TIAM2: variants seen among roughly 807,000 people sequenced by gnomAD.
The protein encoded by TIAM2 is TIAM Rac1 associated GEF 2.
TIAM2 carries 80 observed loss-of-function variants against 152.9 expected under a neutral mutation model. The ratio of observed to expected loss-of-function variants is 0.52; its 90% confidence interval spans 0.44 to 0.63. TIAM2 has a LOEUF of 0.63. Ranked by LOEUF, TIAM2 falls within the 30% of genes least tolerant of loss-of-function variation. TIAM2 has a pLI of 0.00. For synonymous variants in TIAM2, 804 were observed against 838.0 expected (o/e 0.96, Z 0.70); for missense variants, 1,965 against 2,120.1 (o/e 0.93, Z 1.44).
rs777508778 is a variant in TIAM2 at position 155,129,323 on chromosome 6, G to A, written c.100G>A (p.Gly34Ser). The change falls in exon 4 of 27, where the codon GGC becomes AGC. Residue 34 changes from glycine to serine, a missense_variant. Gly to Ser is a moderately conservative substitution (Grantham distance 56, BLOSUM62 0). Transcript: ENST00000682666. The surrounding 1 kb of genome is among the most constrained non-coding windows in gnomAD (Gnocchi z 4.8). ...KQIPCSLKIR[G>S]IHAKEEKSLH... is the part of the protein sequence containing the mutation. ...AATTCCTTGCTCCCTGAAAATACGT[G>A]GCATTCATGCAAAAGAGGAAAAGTC... 35 of 1,614,010 alleles carry A rather than the reference G, an allele frequency of 2.2e-5. No individual in the cohort carries two copies. Among genetic ancestry groups the A allele is most frequent in the Non-Finnish European group, 3.0e-5 (35 of 1,180,034 alleles).
chr6:155,208,103 G>A (rs893505928), intron 14 of TIAM2, among the ~76,000 whole-genome samples: 2 of 152,180 alleles, frequency 1.3e-5, no homozygotes, highest in African/African-American at 4.8e-5. Flanking sequence ...CTGATGTACA[G>A]CAGGGGCTGT....
At chr6:155,236,834 G>A (rs1201074481) in intron 15 of TIAM2, among the ~76,000 whole-genome samples, 1 of 152,048 alleles carries the variant, frequency 6.6e-6, no homozygotes, top group Non-Finnish European at 1.5e-5. Context: ...TCTCCCACTG[G>A]GCCCCTCCCA....
intron 1 of TIAM2, among the ~76,000 whole-genome samples, chr6:155,023,659 C>A (rs929806854): frequency 6.6e-6 from 1 of 152,052 alleles, no homozygotes; most frequent in Admixed American, 6.6e-5. Flanking sequence ...TCTTCTCTTG[C>A]GGGGAAAGGT....
At chr6:155,124,544 GGTCTCGAACT>G (rs1394255369) in intron 2 of TIAM2, among the ~76,000 whole-genome samples, 1 of 151,030 alleles carries the variant, frequency 6.6e-6, no homozygotes, top group Non-Finnish European at 1.5e-5. Flanking sequence ...TGATCAGGCT[GGTCTCGAACT>G]CCCGACCTCA....
rs967485398 is a variant in TIAM2, at chr6:155,187,134, G to A, written c.3064+3634G>A. On this transcript the variant is annotated intron_variant, in intron 14 of 26. Transcript: ENST00000682666. Reference sequence around the variant, plus strand: ...AGCAGAATATTTATAGCCCCCTGTCGAGCACTTAAAATGTGTGGGGGACCC... The same window carrying A: ...AGCAGAATATTTATAGCCCCCTGTCAAGCACTTAAAATGTGTGGGGGACCC... 2.0e-5 allele frequency among the ~76,000 whole-genome samples: 3 copies of A among 152,026 alleles called. No individual in the cohort carries two copies. The East Asian group carries it at 5.8e-4, about 29-fold the overall frequency.
At position 155,244,737 on chromosome 6, in the gene TIAM2, C is replaced by T; in HGVS notation, c.3497C>T (p.Ser1166Leu). 1 of 1,614,028 alleles carries T rather than the reference C, an allele frequency of 6.2e-7. No homozygotes were observed. The highest frequency in any genetic ancestry group is 8.5e-7 in the Non-Finnish European group (1 of 1,179,960). ...CTGGAGACCCTGGAGGATGGGATTTCAGCATCATCTGACTTTAACACCCTA... is the reference window on the plus strand; with the variant it reads ...CTGGAGACCCTGGAGGATGGGATTTTAGCATCATCTGACTTTAACACCCTA... Reference protein sequence around the residue: ...VFLETLEDGISASSDFNTLET... With the variant: ...VFLETLEDGILASSDFNTLET... Residue 1166 changes from serine (S) to leucine (L), a missense_variant, in exon 18 of 27, where the codon TCA (serine) becomes TTA (leucine). Coordinates refer to ENST00000682666, the MANE Select transcript of TIAM2 (RefSeq NM_012454.4).
At chr6:155,252,484 GTAAA>G (rs1783724583) in intron 23 of TIAM2, among the ~76,000 whole-genome samples, 1 of 152,068 alleles carries the variant, frequency 6.6e-6, no homozygotes, top group African/African-American at 2.4e-5. Context: ...ACATAAATAA[GTAAA>G]TAAAGTAGAT....
chr6:155,038,006 C>G lies in TIAM2; in HGVS notation c.-209+42514C>G, dbSNP rs545927375. Among the ~76,000 whole-genome samples, 1,256 of 152,146 alleles carry G rather than the reference C, an allele frequency of 8.3e-3. 6 individuals carry two copies. Among genetic ancestry groups the G allele is most frequent in the Non-Finnish European group, 0.013 (896 of 67,986 alleles). On this transcript the variant is annotated intron_variant, in intron 1 of 26. Transcript: ENST00000682666. ...CTTTTAGGATCAAAAGAGGCAGTTT[C>G]TTTTCTCCAGTTGTAGGAGAAAACA...
chr6:155,201,311 T>C (rs1781467006), intron 14 of TIAM2, among the ~76,000 whole-genome samples: 1 of 152,254 alleles, frequency 6.6e-6, no homozygotes, highest in South Asian at 2.1e-4. Context: ...AGTCTTTAAA[T>C]AGAACTCCAG....
chr6:155,112,070 C>G (rs146978371), intron 2 of TIAM2, among the ~76,000 whole-genome samples: 228 of 152,012 alleles, frequency 1.5e-3, no homozygotes, highest in African/African-American at 5.2e-3. Flanking sequence ...TCAGTCTTCT[C>G]CCTGAAGTGC....
chr6:155,080,912 G>T (rs934341142), intron 1 of TIAM2, among the ~76,000 whole-genome samples: 2 of 152,210 alleles, frequency 1.3e-5, no homozygotes, highest in African/African-American at 4.8e-5. Context: ...AGTTGAAGTA[G>T]ATCTTGAAAT....
chr6:155,074,660 T>C (rs538598181), intron 1 of TIAM2, among the ~76,000 whole-genome samples: 38 of 152,202 alleles, frequency 2.5e-4, no homozygotes, highest in African/African-American at 8.7e-4. Context: ...TAACGATAAG[T>C]TTATTTCAAA....
intron 1 of TIAM2, among the ~76,000 whole-genome samples, chr6:155,008,436 T>C (rs2114844824): frequency 6.6e-6 from 1 of 152,294 alleles, no homozygotes; most frequent in Admixed American, 6.5e-5. Flanking sequence ...TGCCTCAGGC[T>C]AGGGGTGAAA....
intron 1 of TIAM2, among the ~76,000 whole-genome samples, chr6:155,081,818 G>A (rs1778068461): frequency 6.6e-6 from 1 of 152,112 alleles, no homozygotes; most frequent in Non-Finnish European, 1.5e-5. Context: ...TTTACCCCCT[G>A]ACTTTCTCTT....
chr6:155,227,900 G>A (rs141241289), intron 15 of TIAM2, among the ~76,000 whole-genome samples: 82 of 152,280 alleles, frequency 5.4e-4, no homozygotes, highest in Admixed American at 5.2e-3. Flanking sequence ...GCAAGGAACT[G>A]GAATGGGCGC....
chr6:155,115,146 G>A (rs1778980381), intron 2 of TIAM2, among the ~76,000 whole-genome samples: 1 of 146,418 alleles, frequency 6.8e-6, no homozygotes. Context: ...CTTTTGAAAG[G>A]GAATCCTGAA....
intron 1 of TIAM2, among the ~76,000 whole-genome samples, chr6:155,065,852 G>T (rs1777682194): frequency 6.6e-6 from 1 of 152,176 alleles, no homozygotes; most frequent in African/African-American, 2.4e-5. Context: ...TGGTGTCCCT[G>T]GTTGGAAATC....
rs910377841 is a variant in TIAM2, at chr6:155,183,492, C to T, written c.3056C>T (p.Thr1019Ile). The T allele has an allele frequency of 1.2e-6, 2 of 1,612,182 alleles. No homozygotes were observed. The highest frequency in any genetic ancestry group is 1.1e-5 in the South Asian group (1 of 90,846). The change falls in exon 14 of 27, where the codon ACA becomes ATA. Residue 1019 changes from threonine (T) to isoleucine (I), a missense_variant. This residue lies in a region of TIAM2 where 935 missense variants were observed against 980.0 expected (regional missense o/e 0.95). Coordinates refer to ENST00000682666, the MANE Select transcript of TIAM2 (RefSeq NM_012454.4). ...EEFLDNFKKNTANDFSNVPDI... is the reference protein window; with the variant it reads ...EEFLDNFKKNIANDFSNVPDI... ...TTCCTGGATAACTTTAAAAAGAATA[C>T]AGCCAATGGTAAGGCTTTGTTCTGT...
At chr6:155,121,656 A>T (rs997448031) in intron 2 of TIAM2, among the ~76,000 whole-genome samples, 2 of 152,186 alleles carry the variant, frequency 1.3e-5, no homozygotes, top group African/African-American at 4.8e-5. Flanking sequence ...CCCTTTTGTT[A>T]TCTGGCTCTT....
Sources: allele counts gnomAD v4.1 joint callset (sites outside exome capture counted in the v4.1 genomes callset), GRCh38; gene constraint gnomAD v4.1.1; regional missense constraint gnomAD v4.1.1; non-coding constraint Gnocchi (gnomAD v3.1); transcripts MANE v1.5; gene names NCBI Gene and HGNC (gene_info 2026-07-23, HGNC 2026-07-21).